The following ACVR1 variants were observed in gnomAD, a reference collection of about 807,000 sequenced individuals.
ACVR1 encodes the protein activin receptor type-1.
In ACVR1, 38 loss-of-function variants were observed where a neutral mutation model predicts 57.1. That is an observed-to-expected ratio of 0.67 (90% CI 0.51 to 0.87). ACVR1 has a LOEUF of 0.87. Among genes scored for constraint, ACVR1 ranks in the 40% least tolerant of loss-of-function variants. ACVR1 has a pLI of 0.00. For synonymous variants in ACVR1, 212 were observed against 228.1 expected (o/e 0.93, Z 0.63); for missense variants, 463 against 638.2 (o/e 0.73, Z 2.96).
At chr2:157,768,879 C>A (rs1299297162) in intron 7 of ACVR1, among the ~76,000 whole-genome samples, 1 of 152,162 alleles carries the variant, frequency 6.6e-6, no homozygotes, top group Non-Finnish European at 1.5e-5. Context: ...ACATAATGCA[C>A]CTGTGGTTAC....
chr2:157,797,188 T>C lies in ACVR1; in HGVS notation c.67+2239A>G, dbSNP rs565524007. Among the ~76,000 whole-genome samples the C allele has an allele frequency of 3.3e-5, 5 of 152,290 alleles. No homozygotes were observed. In the South Asian group the frequency reaches 8.3e-4, roughly 25 times the overall value. On this transcript the variant is annotated intron_variant, in intron 3 of 10. Coordinates refer to ENST00000434821, the MANE Select transcript of ACVR1 (RefSeq NM_001111067.4). Reference sequence around the variant, plus strand: ...GACTATCAGCTACCATATAGGACAATGGAGAAGTATAATATATGTCATTAA... The same window carrying C: ...GACTATCAGCTACCATATAGGACAACGGAGAAGTATAATATATGTCATTAA...
At chr2:157,740,484 A>C (rs1684710172) in intron 9 of ACVR1, among the ~76,000 whole-genome samples, 1 of 152,336 alleles carries the variant, frequency 6.6e-6, no homozygotes, top group Non-Finnish European at 1.5e-5. Context: ...TTCTAGGGTC[A>C]CAAGAATTTA....
chr2:157,840,867 G>T lies in ACVR1; in HGVS notation c.-182-22308C>A, dbSNP rs78487230. Among the ~76,000 whole-genome samples, 32 of 152,372 alleles carry T rather than the reference G, an allele frequency of 2.1e-4. No homozygotes were observed. The East Asian group carries it at 6.2e-3, about 29-fold the overall frequency. ...TTTATCATTAACTACTGTCTGGCCAGCAAGGGCAGGGTCCGCTTCAAGAAC... is the reference window on the plus strand; with the variant it reads ...TTTATCATTAACTACTGTCTGGCCATCAAGGGCAGGGTCCGCTTCAAGAAC... On this transcript the variant is annotated intron_variant, in intron 1 of 10. Transcript: ENST00000434821.
chr2:157,840,783 A>C (rs151167383), intron 1 of ACVR1, among the ~76,000 whole-genome samples: 1 of 152,380 alleles, frequency 6.6e-6, no homozygotes, highest in Non-Finnish European at 1.5e-5. Flanking sequence ...CCAAAGCACA[A>C]GCACCTGCAG....
Position 157,807,989 on chromosome 2 carries a change from A to T in ACVR1, c.-7-8489T>A, listed in dbSNP as rs193294176. On this transcript the variant is annotated intron_variant, in intron 2 of 10. Transcript: ENST00000434821. ...ACTGGAGCACTTTTCTGTGGTAGTGAGAAACACCACCCTTTATACACTGGC... is the reference window on the plus strand; with the variant it reads ...ACTGGAGCACTTTTCTGTGGTAGTGTGAAACACCACCCTTTATACACTGGC... Among the ~76,000 whole-genome samples, 20 of 151,464 alleles carry T rather than the reference A, an allele frequency of 1.3e-4. No homozygotes were observed. In the East Asian group the frequency reaches 3.5e-3, roughly 27 times the overall value.
rs1295821571 is a variant in ACVR1, at chr2:157,736,745, A to C, written c.*786T>G. The C allele has an allele frequency of 2.9e-6, 1 of 343,476 alleles. No individual in the cohort carries two copies. Among genetic ancestry groups the C allele is most frequent in the Non-Finnish European group, 5.3e-6 (1 of 187,168 alleles). 21.3% of individuals were successfully genotyped at this position (343,476 alleles called of 1,614,324 possible). ...GTGAAGCACTTAAAATGTGATTTTA[A>C]CTGATAATAAAAGAAAATGTCCATT... On this transcript the variant is annotated 3_prime_UTR_variant, in exon 11 of 11. Transcript: ENST00000434821.
At chr2:157,783,003 C>T (rs1359520169) in intron 3 of ACVR1, among the ~76,000 whole-genome samples, 3 of 151,932 alleles carry the variant, frequency 2.0e-5, no homozygotes, top group Non-Finnish European at 2.9e-5. Context: ...AATGAATTGA[C>T]GAGTATGATT....
intron 3 of ACVR1, among the ~76,000 whole-genome samples, chr2:157,792,905 T>A (rs1455800989): frequency 2.0e-5 from 3 of 152,244 alleles, no homozygotes; most frequent in East Asian, 3.9e-4. Context: ...TATCTTGGAA[T>A]GACATGAGTT....
intron 1 of ACVR1, among the ~76,000 whole-genome samples, chr2:157,852,705 C>T: frequency 6.6e-6 from 1 of 152,118 alleles, no homozygotes; most frequent in Non-Finnish European, 1.5e-5. Flanking sequence ...CATCATCTGC[C>T]ATAGTTATAT....
At chr2:157,833,975 G>C (rs1688682986) in intron 1 of ACVR1, among the ~76,000 whole-genome samples, 1 of 152,150 alleles carries the variant, frequency 6.6e-6, no homozygotes, top group African/African-American at 2.4e-5. Flanking sequence ...GAGTCTCTTA[G>C]AACTTCTAAC....
intron 9 of ACVR1, among the ~76,000 whole-genome samples, chr2:157,760,577 T>C (rs1292790345): frequency 6.6e-6 from 1 of 152,188 alleles, no homozygotes; most frequent in Non-Finnish European, 1.5e-5. Flanking sequence ...TAAACGCAAG[T>C]ATTACGTATC....
At chr2:157,839,039 T>C (rs1688885402) in intron 1 of ACVR1, among the ~76,000 whole-genome samples, 1 of 152,226 alleles carries the variant, frequency 6.6e-6, no homozygotes, top group Admixed American at 6.5e-5. Flanking sequence ...AAATCAGAAC[T>C]GAACATCTGA....
At chr2:157,767,334 CG>C (rs1685904751) in intron 7 of ACVR1, among the ~76,000 whole-genome samples, 1 of 152,034 alleles carries the variant, frequency 6.6e-6, no homozygotes, top group Admixed American at 6.5e-5. Context: ...GCGATCAGCC[CG>C]GAAGAGATTT....
intron 3 of ACVR1, among the ~76,000 whole-genome samples, chr2:157,793,845 T>C (rs1044113523): frequency 1.3e-5 from 2 of 152,200 alleles, no homozygotes; most frequent in Non-Finnish European, 2.9e-5. Context: ...AAAAAGTCCA[T>C]TGAAGTTATC....
chr2:157,775,013 A>C (rs575415845), intron 5 of ACVR1, among the ~76,000 whole-genome samples: 1 of 152,354 alleles, frequency 6.6e-6, no homozygotes, highest in African/African-American at 2.4e-5. Flanking sequence ...AATTAGGAAC[A>C]AACAAACTAG....
At chr2:157,856,252 T>C (rs1340970317) in intron 1 of ACVR1, among the ~76,000 whole-genome samples, 1 of 152,186 alleles carries the variant, frequency 6.6e-6, no homozygotes, top group Non-Finnish European at 1.5e-5. Flanking sequence ...CTCATCCTCA[T>C]ATCCGTGCGG....
intron 9 of ACVR1, among the ~76,000 whole-genome samples, chr2:157,753,699 G>A (rs931732171): frequency 3.3e-5 from 5 of 152,040 alleles, no homozygotes; most frequent in Admixed American, 2.6e-4. Flanking sequence ...CACTAGATAG[G>A]TCAAGACAGA....
intron 9 of ACVR1, among the ~76,000 whole-genome samples, chr2:157,740,432 A>C (rs2105219793): frequency 6.6e-6 from 1 of 152,282 alleles, no homozygotes; most frequent in Admixed American, 6.5e-5. Context: ...ACACCATCTA[A>C]AATACAGCTG....
chr2:157,780,615 A>G lies in ACVR1; in HGVS notation c.68-15T>C, dbSNP rs767864544. ...GGGCTTCTCATCTGCAAAGGAGAGA[A>G]AGGAAGGGGAAAAAAAAAAAAAAGA... On this transcript the variant is annotated splice_polypyrimidine_tract_variant and intron_variant, in intron 3 of 10. Coordinates refer to ENST00000434821, the MANE Select transcript of ACVR1 (RefSeq NM_001111067.4). The G allele has an allele frequency of 1.2e-6, 2 of 1,612,952 alleles. No individual in the cohort carries two copies. Among genetic ancestry groups the G allele is most frequent in the East Asian group, 2.2e-5 (1 of 44,838 alleles).
Sources: gnomAD v4.1 joint callset for allele counts (sites outside exome capture counted in the v4.1 genomes callset) on GRCh38, gnomAD v4.1.1 for gene constraint, MANE v1.5 for transcripts, NCBI Gene and HGNC (gene_info 2026-07-23, HGNC 2026-07-21) for gene names.